SKIC3: variants seen among roughly 807,000 people sequenced by gnomAD.
The protein encoded by SKIC3 is superkiller complex protein 3.
At chr5:95,482,484 G>T in the SKIC3 span, 16 of 1,613,858 alleles carry the variant, frequency 9.9e-6, no homozygotes, top group Admixed American at 1.7e-5. Flanking sequence ...TGCCAAGCTG[G>T]AACAGAGGTT....
chr5:95,531,778 T>A, the SKIC3 span, among the ~76,000 whole-genome samples: 222 of 152,302 alleles, frequency 1.5e-3, 5 homozygotes, highest in East Asian at 0.034. Flanking sequence ...TAATACCATA[T>A]ATGACCTTTA....
chr5:95,546,339 G>GA, the SKIC3 span, among the ~76,000 whole-genome samples: 1,071 of 57,224 alleles, frequency 0.019, 11 homozygotes, highest in African/African-American at 0.063. Flanking sequence ...CCCACCATGA[G>GA]AAAAAAAAAA....
At chr5:95,512,612 C>T in the SKIC3 span, 3 of 1,613,842 alleles carry the variant, frequency 1.9e-6, no homozygotes, top group Non-Finnish European at 2.5e-6. Flanking sequence ...CCTAATGCTC[C>T]TTCAGTCTTT....
At chr5:95,487,890 G>A in the SKIC3 span, among the ~76,000 whole-genome samples, 7 of 151,928 alleles carry the variant, frequency 4.6e-5, no homozygotes, top group Non-Finnish European at 7.4e-5. Context: ...TGATAATAAA[G>A]CAGCTCAGTA....
chr5:95,532,002 C>T, the SKIC3 span, among the ~76,000 whole-genome samples: 1 of 151,972 alleles, frequency 6.6e-6, no homozygotes, highest in African/African-American at 2.4e-5. Flanking sequence ...AATTAAAAAT[C>T]TTCACCATCC....
At chr5:95,500,938 C>A in the SKIC3 span, among the ~76,000 whole-genome samples, 1 of 151,998 alleles carries the variant, frequency 6.6e-6, no homozygotes, top group African/African-American at 2.4e-5. Context: ...TTTTGACAAA[C>A]AAGTATCAAA....
the SKIC3 span, chr5:95,537,074 A>C: frequency 6.2e-7 from 1 of 1,613,702 alleles, no homozygotes; most frequent in Non-Finnish European, 8.5e-7. Flanking sequence ...ATGCCTATAA[A>C]GTACTTGGTG....
the SKIC3 span, among the ~76,000 whole-genome samples, chr5:95,486,427 A>G: frequency 1.3e-5 from 2 of 152,176 alleles, no homozygotes; most frequent in African/African-American, 4.8e-5. Flanking sequence ...CTGCAACCCT[A>G]TGGCTGCTCA....
the SKIC3 span, among the ~76,000 whole-genome samples, chr5:95,498,956 C>G: frequency 7.2e-5 from 11 of 152,208 alleles, no homozygotes; most frequent in Admixed American, 2.6e-4. Context: ...CTGTAACTAT[C>G]AAAACATTAT....
the SKIC3 span, among the ~76,000 whole-genome samples, chr5:95,512,295 C>T: frequency 1.3e-5 from 2 of 152,116 alleles, no homozygotes; most frequent in African/African-American, 4.8e-5. Flanking sequence ...CAATTTTTAT[C>T]TTTCTTCAAA....
At chr5:95,551,017 C>T in the SKIC3 span, among the ~76,000 whole-genome samples, 3 of 152,030 alleles carry the variant, frequency 2.0e-5, no homozygotes, top group African/African-American at 7.2e-5. Context: ...GAATCAAGGA[C>T]ATCTACAGAC....
chr5:95,489,269 T>A, the SKIC3 span, among the ~76,000 whole-genome samples: 1 of 151,540 alleles, frequency 6.6e-6, no homozygotes, highest in African/African-American at 2.4e-5. Context: ...CAAGACCTCA[T>A]CTCTTAAAAA....
chr5:95,517,109 A>C, the SKIC3 span: 575 of 1,613,522 alleles, frequency 3.6e-4, no homozygotes, highest in African/African-American at 7.1e-3. Flanking sequence ...CCTTAATTCA[A>C]TTCAAATGTT....
At chr5:95,488,215 T>C in the SKIC3 span, among the ~76,000 whole-genome samples, 1 of 152,110 alleles carries the variant, frequency 6.6e-6, no homozygotes, top group Non-Finnish European at 1.5e-5. Flanking sequence ...TTCAGTGTCC[T>C]AGAAGGCAAA....
chr5:95,551,077 T>C, the SKIC3 span, among the ~76,000 whole-genome samples: 1 of 152,132 alleles, frequency 6.6e-6, no homozygotes, highest in Non-Finnish European at 1.5e-5. Flanking sequence ...TATATTAGAA[T>C]AGAACTTTTC....
chr5:95,509,796 C>T, the SKIC3 span: 1 of 752,852 alleles, frequency 1.3e-6, no homozygotes, highest in Non-Finnish European at 2.3e-6. Flanking sequence ...CTTGAGATCA[C>T]TCACACTGTT....
the SKIC3 span, among the ~76,000 whole-genome samples, chr5:95,522,745 A>G: frequency 5.9e-5 from 9 of 152,198 alleles, no homozygotes; most frequent in African/African-American, 1.9e-4. Flanking sequence ...CCTGTACTCT[A>G]GATACTAACA....
At chr5:95,501,649 C>T in the SKIC3 span, among the ~76,000 whole-genome samples, 143 of 151,434 alleles carry the variant, frequency 9.4e-4, no homozygotes, top group African/African-American at 3.2e-3. Flanking sequence ...CATAAAACAT[C>T]GGGGTAAAGG....
chr5:95,539,843 C>CAAAAAAAAAAAA, the SKIC3 span, among the ~76,000 whole-genome samples: 2 of 107,692 alleles, frequency 1.9e-5, no homozygotes, highest in Non-Finnish European at 3.8e-5. Flanking sequence ...CACTCTGCCT[C>CAAAAAAAAAAAA]AAAAAAAAAA....
Sources: allele counts gnomAD v4.1 joint callset (sites outside exome capture counted in the v4.1 genomes callset), GRCh38; gene constraint gnomAD v4.1.1; transcripts MANE v1.5; gene names NCBI Gene and HGNC (gene_info 2026-07-23, HGNC 2026-07-21).